The following PARG variants were observed in gnomAD, a reference collection of about 807,000 sequenced individuals.
PARG encodes the protein mitochondrial poly(ADP-ribose) glycohydrolase.
Under a neutral mutation model 113.0 loss-of-function variants are expected in PARG, and 35 were observed. The ratio of observed to expected loss-of-function variants is 0.31; its 90% CI spans 0.24 to 0.41. PARG has a LOEUF of 0.41. Ranked by LOEUF, PARG falls within the 10% of genes least tolerant of loss-of-function variation. The pLI, the probability that PARG is intolerant of heterozygous loss-of-function variation, is 1.00. For missense variants in PARG, 797 were observed against 1,169.4 expected (o/e 0.68, Z 4.64); for synonymous variants, 330 against 409.9 (o/e 0.81, Z 2.36).
At chr10:49,904,942 A>G (rs1439326011) in intron 7 of PARG, among the ~76,000 whole-genome samples, 1 of 151,828 alleles carries the variant, frequency 6.6e-6, no homozygotes, top group Non-Finnish European at 1.5e-5. Flanking sequence ...ATAAATAAAT[A>G]AATAAAGTCA....
intron 6 of PARG, among the ~76,000 whole-genome samples, chr10:49,919,030 T>C (rs1424707168): frequency 6.6e-6 from 1 of 152,078 alleles, no homozygotes; most frequent in Non-Finnish European, 1.5e-5. Context: ...AACCTCTGCC[T>C]CCTGGGTTCA....
At chr10:49,908,162 T>C (rs1554845427) in intron 7 of PARG, among the ~76,000 whole-genome samples, 2 of 152,208 alleles carry the variant, frequency 1.3e-5, no homozygotes, top group African/African-American at 2.4e-5. Flanking sequence ...CTAAGACTGA[T>C]ATTCCATGGT....
chr10:49,844,517 G>A (rs1845406936), intron 13 of PARG, among the ~76,000 whole-genome samples: 1 of 151,802 alleles, frequency 6.6e-6, no homozygotes, highest in African/African-American at 2.4e-5. Context: ...CAGCTACTCA[G>A]GAGGCTGAGG....
At chr10:49,822,581 C>G in intron 16 of PARG, among the ~76,000 whole-genome samples, 1 of 152,154 alleles carries the variant, frequency 6.6e-6, no homozygotes, top group South Asian at 2.1e-4. Flanking sequence ...TAGGAACATC[C>G]TTTCTTTGCA....
intron 8 of PARG, among the ~76,000 whole-genome samples, chr10:49,884,317 A>G (rs1847356790): frequency 6.6e-6 from 1 of 152,212 alleles, no homozygotes; most frequent in Non-Finnish European, 1.5e-5. Context: ...TTATTTTTAA[A>G]AGTTAAGGCT....
At chr10:49,891,373 C>T (rs552559147) in intron 7 of PARG, among the ~76,000 whole-genome samples, 569 of 150,762 alleles carry the variant, frequency 3.8e-3, no homozygotes, top group East Asian at 0.015. Flanking sequence ...TCAATGAATA[C>T]AAGAAATAGC....
chr10:49,929,806 G>A (rs1470840856), intron 4 of PARG, among the ~76,000 whole-genome samples: 3 of 143,976 alleles, frequency 2.1e-5, no homozygotes, highest in African/African-American at 7.8e-5. Context: ...AGCCTGGGCA[G>A]CAAGAGCAAA....
At chr10:49,933,109 G>A (rs1589011806) in intron 3 of PARG, 68 bp downstream of exon 3, 28 of 1,199,494 alleles carry the variant, frequency 2.3e-5, no homozygotes, top group Non-Finnish European at 2.8e-5. Context: ...TCACAGCTTC[G>A]TTAAACTCCC....
chr10:49,910,733 A>C (rs1554846005), intron 7 of PARG, among the ~76,000 whole-genome samples: 2 of 152,232 alleles, frequency 1.3e-5, no homozygotes, highest in Non-Finnish European at 2.9e-5. Context: ...AATCAATTGC[A>C]GATTTAAAGC....
At chr10:49,928,463 T>C (rs1204916663) in intron 4 of PARG, among the ~76,000 whole-genome samples, 1 of 152,190 alleles carries the variant, frequency 6.6e-6, no homozygotes, top group Non-Finnish European at 1.5e-5. Flanking sequence ...TGTGTTTGCA[T>C]GCACGCACGT....
At chr10:49,877,316 T>C (rs1846990779) in intron 9 of PARG, among the ~76,000 whole-genome samples, 3 of 151,182 alleles carry the variant, frequency 2.0e-5, no homozygotes, top group African/African-American at 7.2e-5. Flanking sequence ...CTAAAAAATA[T>C]GGTCTTCGGG....
chr10:49,902,808 T>C (rs1301919053), intron 7 of PARG, among the ~76,000 whole-genome samples: 4 of 151,942 alleles, frequency 2.6e-5, no homozygotes, highest in Non-Finnish European at 4.4e-5. Context: ...TTGGGCAACA[T>C]AATGAGACTC....
At chr10:49,831,393 A>T (rs1451172688) in intron 16 of PARG, among the ~76,000 whole-genome samples, 1 of 152,072 alleles carries the variant, frequency 6.6e-6, no homozygotes, top group Non-Finnish European at 1.5e-5. Flanking sequence ...TGTCTGCTTT[A>T]TTGCTTGTTA....
At chr10:49,904,643 G>A (rs1382305840) in intron 7 of PARG, among the ~76,000 whole-genome samples, 10 of 151,764 alleles carry the variant, frequency 6.6e-5, no homozygotes, top group African/African-American at 1.9e-4. Context: ...GGTCAGGCAC[G>A]ATAGCTCATG....
intron 7 of PARG, among the ~76,000 whole-genome samples, chr10:49,910,863 T>G (rs1261382351): frequency 3.3e-5 from 5 of 152,148 alleles, no homozygotes; most frequent in Admixed American, 2.0e-4. Flanking sequence ...AAGCCAACAT[T>G]GCAGAAACAG....
At chr10:49,918,562 A>T (rs190578964) in intron 6 of PARG, among the ~76,000 whole-genome samples, 3,125 of 152,340 alleles carry the variant, frequency 0.021, 56 homozygotes, top group Non-Finnish European at 0.036. Flanking sequence ...AAATTATCAC[A>T]CACATTATTT....
In PARG at chr10:49,818,639, C is replaced by T. The variant is rs1027521326; in HGVS notation, c.*701G>A. 1 of 152,294 alleles carries T rather than the reference C, an allele frequency of 6.6e-6. No homozygotes were observed. The highest frequency in any genetic ancestry group is 1.5e-5 in the Non-Finnish European group (1 of 68,022). The allele number at this position is 152,294 out of a possible 1,614,324, so 9.4% of individuals were successfully genotyped here. ...ACATCAGGAAAACCTCCTTTTATTC[C>T]ACATTTCCTTTCATCTCAGCCAGTC... On this transcript the variant is annotated 3_prime_UTR_variant, in exon 18 of 18. Transcript: ENST00000616448.
chr10:49,918,792 G>C (rs183603222), intron 6 of PARG, among the ~76,000 whole-genome samples: 1 of 152,208 alleles, frequency 6.6e-6, no homozygotes, highest in African/African-American at 2.4e-5. Flanking sequence ...TATCTCGATG[G>C]ATTACTCTGT....
chr10:49,828,687 C>T (rs1844495123), intron 16 of PARG, among the ~76,000 whole-genome samples: 1 of 152,124 alleles, frequency 6.6e-6, no homozygotes, highest in Non-Finnish European at 1.5e-5. Flanking sequence ...TAATAGTTGT[C>T]AAAGTAATGT....
Sources: gnomAD v4.1 joint callset for allele counts (sites outside exome capture counted in the v4.1 genomes callset) on GRCh38, gnomAD v4.1.1 for gene constraint, MANE v1.5 for transcripts, NCBI Gene and HGNC (gene_info 2026-07-23, HGNC 2026-07-21) for gene names.